NUDT21: variants seen among roughly 807,000 people sequenced by gnomAD.
NUDT21 encodes the protein cleavage and polyadenylation specificity factor subunit 5.
NUDT21 carries 5 observed loss-of-function variants against 29.8 expected under a neutral mutation model. The ratio of observed to expected loss-of-function variants is 0.17; its 90% CI spans 0.09 to 0.35. The LOEUF is 0.35. NUDT21 is among the 10% of genes least tolerant of loss of function. The pLI, the probability that NUDT21 is intolerant of heterozygous loss-of-function variation, is 1.00. For missense variants in NUDT21, 76 were observed against 276.0 expected (o/e 0.28, Z 5.13); for synonymous variants, 113 against 98.5 (o/e 1.15, Z -0.87).
chr16:56,451,044 G>C (rs1962304328), intron 1 of NUDT21, 43 bp downstream of exon 1: 6 of 1,543,308 alleles, frequency 3.9e-6, no homozygotes, highest in South Asian at 3.4e-5. Flanking sequence ...GTCTATAGGA[G>C]CTTTCACGAG....
rs1235245692 is a variant in NUDT21 at position 56,431,042 on chromosome 16, A to G, written c.*1670T>C. The stretch of plus-strand genomic sequence containing the variant: ...GTCTACCTCTCTCCACCCTCCACAA[A>G]TTGCAAAAGTGAACATCTGAAATGT... On this transcript the variant is annotated 3_prime_UTR_variant, in exon 7 of 7. Coordinates refer to ENST00000300291, the MANE Select transcript of NUDT21 (RefSeq NM_007006.3). The G allele has an allele frequency of 6.6e-6, 1 of 152,232 alleles. No individual in the cohort carries two copies. The highest frequency in any genetic ancestry group is 1.5e-5 in the Non-Finnish European group (1 of 68,044). The allele number at this position is 152,232 out of a possible 1,614,324, so 9.4% of individuals were successfully genotyped here.
Position 56,432,463 on chromosome 16 carries a change from T to C in NUDT21, c.*249A>G. On this transcript the variant is annotated 3_prime_UTR_variant, in exon 7 of 7. Coordinates refer to ENST00000300291, the MANE Select transcript of NUDT21 (RefSeq NM_007006.3). Reference sequence around the variant, plus strand: ...TAATGAGAAATTAAAATAAAAAAAGTCCATTTTCTTTAATGTTGTACAAAA... The same window carrying C: ...TAATGAGAAATTAAAATAAAAAAAGCCCATTTTCTTTAATGTTGTACAAAA... 1 of 370,176 alleles carries C rather than the reference T, an allele frequency of 2.7e-6. No homozygotes were observed. The highest frequency in any genetic ancestry group is 4.9e-6 in the Non-Finnish European group (1 of 202,820). 22.9% of individuals were successfully genotyped at this position (370,176 alleles called of 1,614,324 possible). A position where few individuals can be genotyped will look rare whatever the true frequency, so the allele number is the denominator to read the frequency against.
At chr16:56,434,303 G>A (rs777367054) in intron 6 of NUDT21, 28 bp downstream of exon 6, 5 of 1,447,738 alleles carry the variant, frequency 3.5e-6, no homozygotes, top group South Asian at 2.3e-5. Context: ...TAATATGGAT[G>A]AACCAAAAAA....
chr16:56,435,394 AT>A (rs1962085356), intron 4 of NUDT21, among the ~76,000 whole-genome samples: 1 of 151,958 alleles, frequency 6.6e-6, no homozygotes, highest in African/African-American at 2.4e-5. Flanking sequence ...GATTACAGGC[AT>A]CAGCCACCAT....
chr16:56,436,083 AC>A (rs1962101106), intron 4 of NUDT21, among the ~76,000 whole-genome samples: 1 of 150,292 alleles, frequency 6.7e-6, no homozygotes, highest in African/African-American at 2.4e-5. Flanking sequence ...GGAAGTTGCT[AC>A]CCGGGAAGGA....
At chr16:56,444,487 G>C (rs769287917) in intron 3 of NUDT21, among the ~76,000 whole-genome samples, 1 of 151,924 alleles carries the variant, frequency 6.6e-6, no homozygotes, top group Non-Finnish European at 1.5e-5. Flanking sequence ...TGGAGGCTGA[G>C]GCAGGAGAAT....
At position 56,451,218 on chromosome 16, in the gene NUDT21, C is replaced by T. The variant is rs558807798; in HGVS notation, c.-16G>A. On this transcript the variant is annotated 5_prime_UTR_variant, in exon 1 of 7. Coordinates refer to ENST00000300291, the MANE Select transcript of NUDT21 (RefSeq NM_007006.3). ...CCACAGACATGCTGGCGAGCTCCGG[C>T]GCTGACGGCGAGCAGAAAGTGGCAG... 1.3e-6 allele frequency: 2 copies of T among 1,572,810 alleles called. No individual in the cohort carries two copies. Among genetic ancestry groups the T allele is most frequent in the South Asian group, 1.1e-5 (1 of 87,280 alleles).
rs1962045876 is a variant in NUDT21, at chr16:56,432,557, A to G, written c.*155T>C. The G allele has an allele frequency of 2.1e-6, 1 of 482,250 alleles. No homozygotes were observed. The highest frequency in any genetic ancestry group is 3.1e-5 in the East Asian group (1 of 32,288). 29.9% of individuals were successfully genotyped at this position (482,250 alleles called of 1,614,324 possible). A position where few individuals can be genotyped will look rare whatever the true frequency, so the allele number is the denominator to read the frequency against. ...TTTACACCACTATCTAGTTCTTCAT[A>G]TTAATTTTACTATTCAAACAATAGA... On this transcript the variant is annotated 3_prime_UTR_variant, in exon 7 of 7. Transcript: ENST00000300291.
rs1264612256 is a variant in NUDT21, at chr16:56,451,332, G to A, written c.-130C>T. On this transcript the variant is annotated 5_prime_UTR_variant, in exon 1 of 7. Transcript: ENST00000300291. ...CCATTAACAGGACAGCGCAAGAGGA[G>A]GCGTAGGCACGCCGGAAGTGAACCC... is the stretch of plus-strand genomic sequence containing the variant. 1.2e-5 allele frequency: 10 copies of A among 804,296 alleles called. No individual in the cohort carries two copies. The Admixed American group carries it at 1.3e-4, about 11-fold the overall frequency. The allele number at this position is 804,296 out of a possible 1,614,324, so 49.8% of individuals were successfully genotyped here.
chr16:56,434,313 A>T lies in NUDT21; in HGVS notation c.662+18T>A. ...ACAGTTAATATGGATGAACCAAAAAATGTTCAACTTTCTGTACCTGCTCAA... is the reference window on the plus strand; with the variant it reads ...ACAGTTAATATGGATGAACCAAAAATTGTTCAACTTTCTGTACCTGCTCAA... On this transcript the variant is annotated intron_variant, in intron 6 of 6. Transcript: ENST00000300291. 6.6e-7 allele frequency: 1 copy of T among 1,523,876 alleles called. No individual in the cohort carries two copies. The highest frequency in any genetic ancestry group is 9.1e-7 in the Non-Finnish European group (1 of 1,098,284). The allele number at this position is 1,523,876 out of a possible 1,614,324, so 94.4% of individuals were successfully genotyped here.
At chr16:56,444,165 T>G (rs1962190225) in intron 3 of NUDT21, among the ~76,000 whole-genome samples, 3 of 152,114 alleles carry the variant, frequency 2.0e-5, no homozygotes, top group Admixed American at 2.0e-4. Flanking sequence ...ATACCTGCAG[T>G]CCTAGCTACT....
Position 56,434,414 on chromosome 16 carries a change from C to T in NUDT21, c.579G>A (p.Leu193=), listed in dbSNP as rs1349339431. Reference sequence around the variant, plus strand: ...ACAATTCAAACAATGGTGCAGCTACCAGCTTGTAATTTTTAGGGACTGCAA... The same window carrying T: ...ACAATTCAAACAATGGTGCAGCTACTAGCTTGTAATTTTTAGGGACTGCAA... ...ALFAVPKNYK[L]VAAPLFELYD... The change falls in exon 6 of 7, where the codon CTG becomes CTA. Residue 193 remains leucine, a synonymous_variant. Transcript: ENST00000300291. The T allele has an allele frequency of 1.2e-6, 2 of 1,613,216 alleles. No homozygotes were observed. The highest frequency in any genetic ancestry group is 1.3e-5 in the African/African-American group (1 of 74,902).
At chr16:56,450,058 G>C (rs543217006) in intron 1 of NUDT21, among the ~76,000 whole-genome samples, 1 of 152,246 alleles carries the variant, frequency 6.6e-6, no homozygotes, top group South Asian at 2.1e-4. Flanking sequence ...TTGGGGGACG[G>C]GGAGACAATG....
In NUDT21 at chr16:56,451,188, C is replaced by T; in HGVS notation, c.15G>A (p.Pro5=). The T allele has an allele frequency of 2.5e-6, 4 of 1,609,400 alleles. No individual in the cohort carries two copies. Among genetic ancestry groups the T allele is most frequent in the Non-Finnish European group, 3.4e-6 (4 of 1,177,854 alleles). MSVV[P]PNRSQTGWPR... ...GCCAGCCGGTCTGCGAGCGATTGGGCGGTACCACAGACATGCTGGCGAGCT... is the reference window on the plus strand; with the variant it reads ...GCCAGCCGGTCTGCGAGCGATTGGGTGGTACCACAGACATGCTGGCGAGCT... Residue 5 remains proline (P), a synonymous_variant, in exon 1 of 7, where the codon CCG becomes CCA. Transcript: ENST00000300291.
chr16:56,449,323 T>G (rs1166423988), intron 1 of NUDT21: 1 of 152,224 alleles, frequency 6.6e-6, no homozygotes, highest in Non-Finnish European at 1.5e-5. Flanking sequence ...CTCATCATAC[T>G]GTGAGCTTCA....
At chr16:56,450,994 A>G (rs569899598) in intron 1 of NUDT21, 93 bp downstream of exon 1, 5 of 1,023,290 alleles carry the variant, frequency 4.9e-6, no homozygotes, top group Non-Finnish European at 7.5e-6. Context: ...GGAGGTGCAG[A>G]GGCGTGAAGC....
intron 3 of NUDT21, among the ~76,000 whole-genome samples, chr16:56,440,960 G>A (rs932816174): frequency 4.6e-5 from 7 of 151,928 alleles, no homozygotes; most frequent in African/African-American, 1.7e-4. Flanking sequence ...GGCTGGTCTC[G>A]AACTCCTGAC....
Position 56,447,792 on chromosome 16 carries a change from TTGAAGAAAGTTGTTCCCAGC to T in NUDT21, c.294_313del (p.Leu99ThrfsTer5). The T allele has an allele frequency of 6.2e-7, 1 of 1,613,982 alleles. No homozygotes were observed. Among genetic ancestry groups the T allele is most frequent in the Non-Finnish European group, 8.5e-7 (1 of 1,179,844 alleles). On this transcript the variant is annotated frameshift_variant, in exon 2 of 7. Coordinates refer to ENST00000300291, the MANE Select transcript of NUDT21 (RefSeq NM_007006.3). LOFTEE classifies it high-confidence loss of function. ...GTTAATTTCCAACACTACTTACAGT[TTGAAGAAAGTTGTTCCCAGC>T]TGCAGCAGTAACACATGGGGTAGCC...
Position 56,447,841 on chromosome 16 carries a change from G to A in NUDT21, c.265C>T (p.His89Tyr). 6.2e-7 allele frequency: 1 copy of A among 1,614,104 alleles called. No individual in the cohort carries two copies. Among genetic ancestry groups the A allele is most frequent in the Non-Finnish European group, 8.5e-7 (1 of 1,179,970 alleles). The change falls in exon 2 of 7, where the codon CAC (histidine) becomes TAC (tyrosine). Residue 89 changes from histidine to tyrosine, a missense_variant. Around this residue, in one of 5 missense-constraint regions of NUDT21, gnomAD observed 27 missense variants for 149.5 expected, o/e 0.18. Transcript: ENST00000300291. ...TVEGVLIVHE[H>Y]RLPHVLLLQL... is the part of the protein sequence containing the mutation. ...AGCAGTAACACATGGGGTAGCCGGT[G>A]CTCATGTACAATCAGAACCCCTTCT...
Sources: allele counts gnomAD v4.1 joint callset (sites outside exome capture counted in the v4.1 genomes callset), GRCh38; gene constraint gnomAD v4.1.1; regional missense constraint gnomAD v4.1.1; transcripts MANE v1.5; gene names NCBI Gene and HGNC (gene_info 2026-07-23, HGNC 2026-07-21).